The following BBX variants were observed in gnomAD, a reference collection of about 807,000 sequenced individuals.
BBX encodes BBX high mobility group box domain containing.
In BBX, 30 loss-of-function variants were observed where a neutral mutation model predicts 100.2. The observed-to-expected ratio is 0.30, with a 90% CI of 0.22 to 0.41. The LOEUF is 0.41. Ranked by LOEUF, BBX falls within the 10% of genes least tolerant of loss-of-function variation. BBX has a pLI of 1.00. For synonymous variants in BBX, 376 were observed against 388.1 expected (o/e 0.97, Z 0.37); for missense variants, 1,023 against 1,129.8 (o/e 0.91, Z 1.35).
At chr3:107,732,252 G>C (rs980351648) in intron 6 of BBX, among the ~76,000 whole-genome samples, 1 of 152,030 alleles carries the variant, frequency 6.6e-6, no homozygotes, top group Non-Finnish European at 1.5e-5. Context: ...CTGGGTTATA[G>C]ATCTACCACT....
intron 3 of BBX, among the ~76,000 whole-genome samples, chr3:107,689,309 C>G (rs1320559694): frequency 6.6e-6 from 1 of 152,114 alleles, no homozygotes; most frequent in East Asian, 1.9e-4. Context: ...AGTGCCCTTC[C>G]CTTACGTGCT....
intron 2 of BBX, among the ~76,000 whole-genome samples, chr3:107,564,529 T>C (rs1184659880): frequency 6.6e-6 from 1 of 152,162 alleles, no homozygotes; most frequent in African/African-American, 2.4e-5. Context: ...TGCAATTTAT[T>C]GTTAATGTTG....
intron 3 of BBX, among the ~76,000 whole-genome samples, chr3:107,695,860 CT>C (rs2060555655): frequency 6.6e-6 from 1 of 151,894 alleles, no homozygotes; most frequent in Admixed American, 6.5e-5. Flanking sequence ...TCAGGACTTG[CT>C]TTATGAAACT....
intron 5 of BBX, among the ~76,000 whole-genome samples, chr3:107,723,662 T>G (rs1289974094): frequency 6.6e-6 from 1 of 152,128 alleles, no homozygotes; most frequent in Non-Finnish European, 1.5e-5. Flanking sequence ...CATGAGGTAT[T>G]TGTTTTTTTG....
intron 14 of BBX, among the ~76,000 whole-genome samples, chr3:107,790,911 A>G (rs2068951175): frequency 6.6e-6 from 1 of 152,160 alleles, no homozygotes; most frequent in Admixed American, 6.5e-5. Context: ...TCTTCTGCTT[A>G]CAGTAAAGAA....
At chr3:107,674,982 T>C (rs2059207933) in intron 3 of BBX, 1 of 152,222 alleles carries the variant, frequency 6.6e-6, no homozygotes, top group Non-Finnish European at 1.5e-5. Flanking sequence ...TAAGGCATGC[T>C]CCTGCTTACA....
rs991879200 is a variant in BBX at position 107,661,797 on chromosome 3, G to C, written c.-10+15888G>C. 2.4e-5 allele frequency: 19 copies of C among 790,926 alleles called. No homozygotes were observed. In the African/African-American group the frequency reaches 3.6e-4, roughly 15 times the overall value. The allele number at this position is 790,926 out of a possible 1,614,324, so 49.0% of individuals were successfully genotyped here. The stretch of plus-strand genomic sequence containing the variant: ...TCCTCTCTCTGTGTTTCTCCTGACT[G>C]TCTCTGGTCTCTGTGTTTTTCTTGT... On this transcript the variant is annotated intron_variant, in intron 3 of 17. Coordinates refer to ENST00000325805, the MANE Select transcript of BBX (RefSeq NM_001142568.3).
chr3:107,682,543 G>A (rs2059622207), intron 3 of BBX, among the ~76,000 whole-genome samples: 1 of 152,068 alleles, frequency 6.6e-6, no homozygotes, highest in African/African-American at 2.4e-5. Flanking sequence ...CTAGAAATGA[G>A]ATAAAACAGT....
intron 3 of BBX, among the ~76,000 whole-genome samples, chr3:107,659,380 A>G (rs2058322654): frequency 6.6e-6 from 1 of 152,026 alleles, no homozygotes; most frequent in South Asian, 2.1e-4. Context: ...TATAATATTT[A>G]TATTAACTAG....
Position 107,773,497 on chromosome 3 carries a change from C to G in BBX, c.1776C>G (p.Ala592=), listed in dbSNP as rs2067075594. The part of the protein sequence containing the change: ...DALPPSLSGQ[A]KPEDSDCHRK... ...TACCACCCAGCCTATCAGGACAGGC[C>G]AAGCCTGAGGACAGTGACTGTCACA... The change falls in exon 11 of 18, where the codon GCC becomes GCG. Residue 592 remains alanine (A), a synonymous_variant. Transcript: ENST00000325805. This position sits in a 1 kb window ranked among gnomAD's most constrained non-coding sequence, Gnocchi z 4.1. 4.3e-6 allele frequency: 7 copies of G among 1,614,068 alleles called. No individual in the cohort carries two copies. The highest frequency in any genetic ancestry group is 5.9e-6 in the Non-Finnish European group (7 of 1,179,972).
chr3:107,562,917 A>T (rs1042186000), intron 2 of BBX, among the ~76,000 whole-genome samples: 2 of 152,260 alleles, frequency 1.3e-5, no homozygotes, highest in African/African-American at 4.8e-5. Flanking sequence ...ACTGCAGAGT[A>T]TAAGCCAGTG....
intron 2 of BBX, among the ~76,000 whole-genome samples, chr3:107,605,287 C>T (rs1368747773): frequency 6.6e-6 from 1 of 152,066 alleles, no homozygotes; most frequent in East Asian, 1.9e-4. Flanking sequence ...TGTATCAAAC[C>T]ACAGTAGCTG....
In BBX at chr3:107,571,199, G is replaced by C. The variant is rs527982455; in HGVS notation, c.-84+44801G>C. On this transcript the variant is annotated intron_variant, in intron 2 of 17. Transcript: ENST00000325805. ...AGAGAAAGGTAGTGACACGGAGAAG[G>C]GGGTGGTGAGCAGCCCTGGGACGCA... is the stretch of plus-strand genomic sequence containing the variant. Among the ~76,000 whole-genome samples, 9 of 152,192 alleles carry C rather than the reference G, an allele frequency of 5.9e-5. No individual in the cohort carries two copies. In the South Asian group the frequency reaches 1.5e-3, roughly 25 times the overall value.
intron 15 of BBX, among the ~76,000 whole-genome samples, chr3:107,795,296 G>A (rs934653351): frequency 3.9e-5 from 6 of 152,016 alleles, no homozygotes; most frequent in Admixed American, 1.3e-4. Flanking sequence ...ATTACTTCTC[G>A]GATACAGTCC....
chr3:107,768,773 C>A (rs2066604256), intron 10 of BBX, among the ~76,000 whole-genome samples: 1 of 149,886 alleles, frequency 6.7e-6, no homozygotes, highest in East Asian at 1.9e-4. Flanking sequence ...TCTCTGGGTC[C>A]CATTAAAAGA....
At chr3:107,754,684 A>T (rs2065339125) in intron 9 of BBX, among the ~76,000 whole-genome samples, 1 of 152,226 alleles carries the variant, frequency 6.6e-6, no homozygotes, top group Non-Finnish European at 1.5e-5. Flanking sequence ...AAGCAGGATT[A>T]CCTACTAAAT....
intron 3 of BBX, among the ~76,000 whole-genome samples, chr3:107,650,891 C>T (rs1222596328): frequency 2.0e-5 from 3 of 152,108 alleles, no homozygotes; most frequent in South Asian, 2.1e-4. Context: ...ATTAAGATGC[C>T]GGAAAAGTCA....
chr3:107,730,576 T>G (rs2063252557), intron 6 of BBX, among the ~76,000 whole-genome samples: 1 of 152,088 alleles, frequency 6.6e-6, no homozygotes, highest in Non-Finnish European at 1.5e-5. Context: ...AAAGATATCT[T>G]TTTTGAAGCA....
chr3:107,645,896 TCTTGA>T lies in BBX; in HGVS notation c.-15_-11del, dbSNP rs2057487026. 6.6e-6 allele frequency: 1 copy of T among 152,600 alleles called. No individual in the cohort carries two copies. The highest frequency in any genetic ancestry group is 6.6e-5 in the Admixed American group (1 of 15,266). 9.5% of individuals were successfully genotyped at this position (152,600 alleles called of 1,614,324 possible). A position where few individuals can be genotyped will look rare whatever the true frequency, so the allele number is the denominator to read the frequency against. Reference sequence around the variant, plus strand: ...GTTCCACTGAAATCACAATGGAAAGTCTTGACTTGACTGGTAAGAGCTGTTGTGAA... The same window carrying T: ...GTTCCACTGAAATCACAATGGAAAGTCTTGACTGGTAAGAGCTGTTGTGAA... On this transcript the variant is annotated 5_prime_UTR_variant, in exon 3 of 18. It removes the in-frame stop codon of an upstream open reading frame in the 5' UTR. Coordinates refer to ENST00000325805, the MANE Select transcript of BBX (RefSeq NM_001142568.3).
Sources: allele counts gnomAD v4.1 joint callset (sites outside exome capture counted in the v4.1 genomes callset), GRCh38; gene constraint gnomAD v4.1.1; non-coding constraint Gnocchi (gnomAD v3.1); transcripts MANE v1.5; gene names NCBI Gene and HGNC (gene_info 2026-07-23, HGNC 2026-07-21).